ADAMTSL1: variants seen among roughly 807,000 people sequenced by gnomAD.
The protein encoded by ADAMTSL1 is ADAMTS-like protein 1.
ADAMTSL1 carries 126 observed loss-of-function variants against 201.8 expected under a neutral mutation model. That is an observed-to-expected ratio of 0.62 (90% confidence interval 0.54 to 0.72). The LOEUF (loss-of-function observed/expected upper bound fraction) is 0.72, where lower values mean the gene tolerates loss of function less well. Ranked by LOEUF, ADAMTSL1 falls within the 30% of genes least tolerant of loss-of-function variation. The pLI, the probability that ADAMTSL1 is intolerant of heterozygous loss-of-function variation, is 0.00. For synonymous variants in ADAMTSL1, 1,121 were observed against 903.4 expected (o/e 1.24, Z -4.32); for missense variants, 2,679 against 2,277.8 (o/e 1.18, Z -3.59).
chr9:18,030,874 C>A (rs1429758982), intron 1 of ADAMTSL1, among the ~76,000 whole-genome samples: 2 of 151,976 alleles, frequency 1.3e-5, no homozygotes, highest in Non-Finnish European at 2.9e-5. Context: ...ATTCATTTTT[C>A]TTTATTTTTG....
Position 18,315,698 on chromosome 9 carries a change from G to A in ADAMTSL1, c.207+151717G>A, listed in dbSNP as rs560725590. On this transcript the variant is annotated intron_variant, in intron 2 of 29. Coordinates refer to the ADAMTSL1 transcript ENST00000680146. ...AGCTCTGTTTGCAGCCCCAGTTCCCGCCCGCGCCTCTCCCTCCACACCTCC... is the reference window on the plus strand; with the variant it reads ...AGCTCTGTTTGCAGCCCCAGTTCCCACCCGCGCCTCTCCCTCCACACCTCC... Among the ~76,000 whole-genome samples the A allele has an allele frequency of 3.5e-4, 53 of 152,180 alleles. 1 individual carries two copies. The South Asian group carries it at 7.9e-3, about 23-fold the overall frequency.
chr9:18,206,341 G>C (rs117735166), intron 2 of ADAMTSL1, among the ~76,000 whole-genome samples: 2,438 of 152,192 alleles, frequency 0.016, 38 homozygotes, highest in Non-Finnish European at 0.026. Flanking sequence ...GTGGAGCCCA[G>C]GGAGCTGGGT....
chr9:18,170,973 G>C (rs190347252), intron 2 of ADAMTSL1, among the ~76,000 whole-genome samples: 12 of 152,150 alleles, frequency 7.9e-5, no homozygotes, highest in Admixed American at 6.6e-4. Flanking sequence ...AAGATTATGG[G>C]ATCTAATAAA....
chr9:17,952,120 T>G (rs978315734), intron 1 of ADAMTSL1, among the ~76,000 whole-genome samples: 27 of 128,000 alleles, frequency 2.1e-4, no homozygotes, highest in African/African-American at 5.8e-4. Context: ...TCTTTCTTTC[T>G]TTTTTTTTTT....
intron 2 of ADAMTSL1, among the ~76,000 whole-genome samples, chr9:18,342,127 C>CT (rs1835489895): frequency 6.6e-6 from 1 of 152,134 alleles, no homozygotes. Context: ...CCCAGTTCTT[C>CT]TTTTCTATGA....
intron 19 of ADAMTSL1, among the ~76,000 whole-genome samples, chr9:18,781,089 T>C (rs1821363926): frequency 6.6e-6 from 1 of 152,156 alleles, no homozygotes; most frequent in Non-Finnish European, 1.5e-5. Flanking sequence ...TTAATGGGCA[T>C]TGAGAGTCTA....
chr9:18,548,773 A>T (rs1162917134), intron 3 of ADAMTSL1, among the ~76,000 whole-genome samples: 3 of 152,076 alleles, frequency 2.0e-5, no homozygotes, highest in Non-Finnish European at 4.4e-5. Context: ...AGAATAAATT[A>T]GGGAGTAAAG....
chr9:18,608,995 A>G (rs538934171), intron 4 of ADAMTSL1, among the ~76,000 whole-genome samples: 18 of 152,276 alleles, frequency 1.2e-4, no homozygotes, highest in Non-Finnish European at 1.8e-4. Flanking sequence ...TTCTTTCATT[A>G]CATTCAACTG....
At chr9:18,212,347 A>G (rs1829909521) in intron 2 of ADAMTSL1, among the ~76,000 whole-genome samples, 1 of 152,214 alleles carries the variant, frequency 6.6e-6, no homozygotes, top group Admixed American at 6.5e-5. Flanking sequence ...TGACATGACA[A>G]AATTCCAAGT....
chr9:18,865,498 C>G (rs112577063), intron 23 of ADAMTSL1, among the ~76,000 whole-genome samples: 5,978 of 152,274 alleles, frequency 0.039, 166 homozygotes, highest in South Asian at 0.091. Flanking sequence ...CCTCAATAAA[C>G]ATATGTCAAT....
chr9:18,832,364 G>A (rs564951999), intron 23 of ADAMTSL1, among the ~76,000 whole-genome samples: 75 of 152,248 alleles, frequency 4.9e-4, no homozygotes, highest in African/African-American at 1.5e-3. Flanking sequence ...GTTTTGTGTA[G>A]GGTTGCTGAG....
chr9:18,616,444 A>T (rs1486572975), intron 4 of ADAMTSL1, among the ~76,000 whole-genome samples: 1 of 152,208 alleles, frequency 6.6e-6, no homozygotes, highest in Non-Finnish European at 1.5e-5. Context: ...TTGTTATATG[A>T]CATTGTCTTT....
intron 19 of ADAMTSL1, among the ~76,000 whole-genome samples, chr9:18,783,273 T>G (rs1350122192): frequency 6.6e-6 from 1 of 152,220 alleles, no homozygotes; most frequent in Non-Finnish European, 1.5e-5. Context: ...GAACTCCAAC[T>G]GGTAGAATAC....
At chr9:17,927,135 A>G (rs891308432) in intron 1 of ADAMTSL1, among the ~76,000 whole-genome samples, 20 of 152,188 alleles carry the variant, frequency 1.3e-4, no homozygotes, top group African/African-American at 4.6e-4. Context: ...GGTACCTTAC[A>G]TAAGTTGGAA....
chr9:18,022,209 G>A (rs1032646440), intron 1 of ADAMTSL1, among the ~76,000 whole-genome samples: 7 of 152,050 alleles, frequency 4.6e-5, no homozygotes, highest in African/African-American at 1.4e-4. Flanking sequence ...CCATAAACTA[G>A]GAGGAAAGAA....
At chr9:18,392,731 T>G (rs1838101914) in intron 2 of ADAMTSL1, among the ~76,000 whole-genome samples, 1 of 152,196 alleles carries the variant, frequency 6.6e-6, no homozygotes, top group South Asian at 2.1e-4. Context: ...ATTTTCACAT[T>G]TGTAAACTTC....
chr9:18,471,701 G>T (rs1821220511), upstream of ADAMTSL1, among the ~76,000 whole-genome samples: 1 of 152,206 alleles, frequency 6.6e-6, no homozygotes, highest in Admixed American at 6.5e-5. Context: ...ATGCTGTGAG[G>T]AATCAGAAGC....
chr9:18,515,711 G>A (rs1267436160), intron 2 of ADAMTSL1, among the ~76,000 whole-genome samples: 1 of 152,154 alleles, frequency 6.6e-6, no homozygotes, highest in African/African-American at 2.4e-5. Flanking sequence ...GAGAAGTCAT[G>A]GATACAAGCA....
chr9:18,710,661 G>GTTTTT lies in ADAMTSL1; in HGVS notation c.1876+3617_1876+3618insTTTTT, dbSNP rs1352571180. Among the ~76,000 whole-genome samples, 67 of 79,612 alleles carry GTTTTT rather than the reference G, an allele frequency of 8.4e-4. 13 individuals are homozygous for GTTTTT. The highest frequency in any genetic ancestry group is 3.4e-3 in the South Asian group (7 of 2,032). 52.2% of individuals were successfully genotyped at this position (79,612 alleles called of 152,430 possible). ...TCCTTGCAGTCTTAGAAGGGCCTAA[G>GTTTTT]TTTTGTTTTGTTTTTTTTTTTTTTT... On this transcript the variant is annotated intron_variant, in intron 14 of 28. Coordinates refer to ENST00000380548, the MANE Select transcript of ADAMTSL1 (RefSeq NM_001040272.6).
Sources: gnomAD v4.1 joint callset for allele counts (sites outside exome capture counted in the v4.1 genomes callset) on GRCh38, gnomAD v4.1.1 for gene constraint, MANE v1.5 for transcripts, NCBI Gene and HGNC (gene_info 2026-07-23, HGNC 2026-07-21) for gene names.